Variants in N4BP2L1 observed in about 807,000 individuals in gnomAD.
The protein encoded by N4BP2L1 is NEDD4-binding protein 2-like 1.
Under a neutral mutation model 21.2 loss-of-function variants are expected in N4BP2L1, and 12 were observed. The ratio of observed to expected loss-of-function variants is 0.57; its 90% confidence interval spans 0.36 to 0.92. The LOEUF (loss-of-function observed/expected upper bound fraction) is 0.92, where lower values mean the gene tolerates loss of function less well. Among genes scored for constraint, N4BP2L1 ranks in the 40% least tolerant of loss-of-function variants. N4BP2L1 has a pLI of 0.01. For missense variants in N4BP2L1, 259 were observed against 310.6 expected (o/e 0.83, Z 1.25); for synonymous variants, 104 against 112.8 (o/e 0.92, Z 0.49).
chr13:32,402,875 C>T lies in N4BP2L1; in HGVS notation c.*67G>A. On this transcript the variant is annotated 3_prime_UTR_variant, in exon 5 of 5. Transcript: ENST00000380130. ...AATTGGAGCTCTGACTAAAATGCAA[C>T]AAAAAATAACAAAAACTGAAGTAGA... 1 of 1,505,714 alleles carries T rather than the reference C, an allele frequency of 6.6e-7. No homozygotes were observed. The highest frequency in any genetic ancestry group is 2.3e-5 in the Admixed American group (1 of 43,304). 93.3% of individuals were successfully genotyped at this position (1,505,714 alleles called of 1,614,324 possible).
At chr13:32,428,214 C>G (rs1420720767), upstream of N4BP2L1, 7 of 918,766 alleles carry the variant, frequency 7.6e-6, no homozygotes, top group African/African-American at 1.7e-5. Context: ...CCAGCCCCTC[C>G]TTTCCACCCG....
chr13:32,411,190 T>C (rs2073837264), intron 1 of N4BP2L1, among the ~76,000 whole-genome samples: 1 of 152,204 alleles, frequency 6.6e-6, no homozygotes, highest in African/African-American at 2.4e-5. Flanking sequence ...GAGTAAAAGC[T>C]AAATGGCTCA....
rs71071039 is a variant in N4BP2L1, at chr13:32,419,412, ATTTTTTTTTTTTTTTTTTTTT to A, written c.179+8471_179+8491del. On this transcript the variant is annotated intron_variant, in intron 1 of 4. Transcript: ENST00000380130. Reference sequence around the variant, plus strand: ...GGGTGCTTGCCACCATGCTTGGCTAATTTTTTTTTTTTTTTTTTTTTTTTTTTTTTTTTTTGTATTTTACAG... The same window carrying A: ...GGGTGCTTGCCACCATGCTTGGCTAATTTTTTTTTTTTTTGTATTTTACAG... 1,363 of 282,874 alleles carry A rather than the reference ATTTTTTTTTTTTTTTTTTTTT, an allele frequency of 4.8e-3. 1 individual carries two copies. The highest frequency in any genetic ancestry group is 0.013 in the East Asian group (128 of 10,006). The allele number at this position is 282,874 out of a possible 1,614,324, so 17.5% of individuals were successfully genotyped here.
rs2073147873 is a variant in N4BP2L1 at position 32,401,835 on chromosome 13, C to A, written c.*1107G>T. On this transcript the variant is annotated 3_prime_UTR_variant, in exon 5 of 5. Coordinates refer to ENST00000380130, the MANE Select transcript of N4BP2L1 (RefSeq NM_052818.3). ...ACATTAGAAAGAAGCTGTTGGCCAACAAGAAATAGAGCATACGTCCTCTGT... is the reference window on the plus strand; with the variant it reads ...ACATTAGAAAGAAGCTGTTGGCCAAAAAGAAATAGAGCATACGTCCTCTGT... 1 of 739,040 alleles carries A rather than the reference C, an allele frequency of 1.4e-6. No homozygotes were observed. Among genetic ancestry groups the A allele is most frequent in the African/African-American group, 1.9e-5 (1 of 52,276 alleles). 45.8% of individuals were successfully genotyped at this position (739,040 alleles called of 1,614,324 possible). A position where few individuals can be genotyped will look rare whatever the true frequency, so the allele number is the denominator to read the frequency against.
chr13:32,412,614 CA>C lies in N4BP2L1; in HGVS notation c.180-4843del, dbSNP rs2073920828. 2.1e-5 allele frequency among the ~76,000 whole-genome samples: 3 copies of C among 140,688 alleles called. No homozygotes were observed. In the Admixed American group the frequency reaches 2.3e-4, roughly 11 times the overall value. The allele number at this position is 140,688 out of a possible 152,430, so 92.3% of individuals were successfully genotyped here. A position where few individuals can be genotyped will look rare whatever the true frequency, so the allele number is the denominator to read the frequency against. On this transcript the variant is annotated intron_variant, in intron 1 of 4. Transcript: ENST00000380130. ...TACACTCCAGCTCCAGCCTAGGTGA[CA>C]GAGCGAAACTCTGTCTCAACTGTCT...
intron 1 of N4BP2L1, among the ~76,000 whole-genome samples, chr13:32,423,520 G>GCTAC (rs2074598130): frequency 6.6e-6 from 1 of 152,106 alleles, no homozygotes; most frequent in Non-Finnish European, 1.5e-5. Flanking sequence ...ACAAAGAAAG[G>GCTAC]CTACCCTCTA....
chr13:32,412,648 A>C (rs1335301474), intron 1 of N4BP2L1, among the ~76,000 whole-genome samples: 6 of 152,032 alleles, frequency 3.9e-5, no homozygotes, highest in Non-Finnish European at 8.8e-5. Flanking sequence ...TCTCAAAAAA[A>C]AAAAAAAAAA....
At chr13:32,421,351 C>T (rs1566344795) in intron 1 of N4BP2L1, among the ~76,000 whole-genome samples, 1 of 152,078 alleles carries the variant, frequency 6.6e-6, no homozygotes, top group African/African-American at 2.4e-5. Flanking sequence ...CCTTTCAGGC[C>T]CTCTTTCTTC....
At position 32,426,963 on chromosome 13, in the gene N4BP2L1, G is replaced by A. The variant is rs193124985; in HGVS notation, c.179+941C>T. Among the ~76,000 whole-genome samples, 788 of 152,326 alleles carry A rather than the reference G, an allele frequency of 5.2e-3. 9 individuals carry two copies. Among genetic ancestry groups the A allele is most frequent in the African/African-American group, 0.018 (765 of 41,570 alleles). On this transcript the variant is annotated intron_variant, in intron 1 of 4. Coordinates refer to ENST00000380130, the MANE Select transcript of N4BP2L1 (RefSeq NM_052818.3). ...AAAAGAAGGCGGGAGGGCAAGCCAG[G>A]CAGGAAGGCCAGCGTCAAGGAGAGA...
chr13:32,428,221 C>CCCG, upstream of N4BP2L1: 3 of 823,460 alleles, frequency 3.6e-6, no homozygotes, highest in Non-Finnish European at 5.1e-6. Context: ...CTCCTTTCCA[C>CCCG]CCGCCGGAAC....
intron 1 of N4BP2L1, 24 bp downstream of exon 1, chr13:32,427,880 C>G (rs749736010): frequency 7.0e-7 from 1 of 1,432,430 alleles, no homozygotes; most frequent in South Asian, 1.4e-5. Flanking sequence ...GCCCGTGCAC[C>G]GGCGCCCAGA....
intron 1 of N4BP2L1, among the ~76,000 whole-genome samples, chr13:32,410,683 TA>T (rs2137809733): frequency 6.6e-6 from 1 of 152,342 alleles, no homozygotes; most frequent in African/African-American, 2.4e-5. Context: ...CAGGTATGTA[TA>T]TTTTATATTT....
chr13:32,414,839 G>T (rs1412136049), intron 1 of N4BP2L1, among the ~76,000 whole-genome samples: 3 of 152,266 alleles, frequency 2.0e-5, no homozygotes, highest in Non-Finnish European at 2.9e-5. Flanking sequence ...CTTACCTCAG[G>T]TCTATTCACT....
Position 32,409,759 on chromosome 13 carries a change from G to T in N4BP2L1, c.180-1987C>A, listed in dbSNP as rs188847896. 4.8e-3 allele frequency among the ~76,000 whole-genome samples: 725 copies of T among 152,276 alleles called. 6 individuals carry two copies. Among genetic ancestry groups the T allele is most frequent in the African/African-American group, 0.016 (664 of 41,540 alleles). The stretch of plus-strand genomic sequence containing the variant: ...GGATGAGAAAACTGCTGCCTCTTGG[G>T]GGAGGGGCTGAGCACACGGGCAGGA... On this transcript the variant is annotated intron_variant, in intron 1 of 4. Coordinates refer to ENST00000380130, the MANE Select transcript of N4BP2L1 (RefSeq NM_052818.3).
At chr13:32,404,831 A>G (rs957056251) in intron 3 of N4BP2L1, among the ~76,000 whole-genome samples, 1 of 151,998 alleles carries the variant, frequency 6.6e-6, no homozygotes, top group Non-Finnish European at 1.5e-5. Context: ...CTGGTGAAAT[A>G]AAAGTGATAG....
At chr13:32,418,959 A>G (rs1379741476) in intron 1 of N4BP2L1, among the ~76,000 whole-genome samples, 1 of 152,168 alleles carries the variant, frequency 6.6e-6, no homozygotes, top group Non-Finnish European at 1.5e-5. Flanking sequence ...AGCAGAAGGG[A>G]CTTGCCTTGT....
At chr13:32,421,957 T>C (rs529369666) in intron 1 of N4BP2L1, among the ~76,000 whole-genome samples, 3 of 152,300 alleles carry the variant, frequency 2.0e-5, no homozygotes, top group Admixed American at 6.5e-5. Flanking sequence ...AACTAAGGCA[T>C]TGACTTATAA....
chr13:32,426,218 ACTT>A (rs1047412130), intron 1 of N4BP2L1, among the ~76,000 whole-genome samples: 24 of 152,312 alleles, frequency 1.6e-4, no homozygotes, highest in African/African-American at 5.5e-4. Flanking sequence ...AAAGACGTTT[ACTT>A]CCTTCTTTGA....
rs2073103879 is a variant in N4BP2L1, at chr13:32,401,049, C to G, written c.*1893G>C. ...AAAGTTATGTAACCCAGAGCCACTT[C>G]TCCATAGTGGTCACTCACTTAACCC... On this transcript the variant is annotated 3_prime_UTR_variant, in exon 5 of 5. Coordinates refer to ENST00000380130, the MANE Select transcript of N4BP2L1 (RefSeq NM_052818.3). 6.6e-6 allele frequency: 1 copy of G among 152,198 alleles called. No homozygotes were observed. Among genetic ancestry groups the G allele is most frequent in the African/African-American group, 2.4e-5 (1 of 41,450 alleles). The allele number at this position is 152,198 out of a possible 1,614,324, so 9.4% of individuals were successfully genotyped here. A position where few individuals can be genotyped will look rare whatever the true frequency, so the allele number is the denominator to read the frequency against.
Sources: allele counts gnomAD v4.1 joint callset (sites outside exome capture counted in the v4.1 genomes callset), GRCh38; gene constraint gnomAD v4.1.1; transcripts MANE v1.5; gene names NCBI Gene and HGNC (gene_info 2026-07-23, HGNC 2026-07-21).